FBN2: variants seen among roughly 807,000 people sequenced by gnomAD.
FBN2 encodes fibrillin-2.
FBN2 carries 105 observed loss-of-function variants against 355.6 expected under a neutral mutation model. The ratio of observed to expected loss-of-function variants is 0.30; its 90% CI spans 0.25 to 0.35. FBN2 has a LOEUF of 0.35. Among genes scored for constraint, FBN2 ranks in the 10% least tolerant of loss-of-function variants. The pLI is 1.00. For synonymous variants in FBN2, 1,350 were observed against 1,301.2 expected (o/e 1.04, Z -0.81); for missense variants, 3,280 against 3,758.7 (o/e 0.87, Z 3.33).
rs370817300 is a variant in FBN2, at chr5:128,323,226, T to C, written c.4472-4225A>G. On this transcript the variant is annotated intron_variant, in intron 34 of 64. Coordinates refer to ENST00000262464, the MANE Select transcript of FBN2 (RefSeq NM_001999.4). ...AAACAGATACAATTTGACTTCCTCT[T>C]TTCCTATTTGAATACCCTTTATTTC... Among the ~76,000 whole-genome samples, 2 of 152,174 alleles carry C rather than the reference T, an allele frequency of 1.3e-5. 1 individual carries two copies. The highest frequency in any genetic ancestry group is 4.1e-4 in the South Asian group (2 of 4,832).
chr5:128,340,765 T>G (rs754265673), intron 25 of FBN2, among the ~76,000 whole-genome samples: 19 of 152,178 alleles, frequency 1.2e-4, no homozygotes, highest in Admixed American at 6.5e-5. Flanking sequence ...ATTTGTTAAG[T>G]GCTGAGAACA....
intron 7 of FBN2, among the ~76,000 whole-genome samples, chr5:128,442,573 C>T (rs1753950567): frequency 6.6e-6 from 1 of 151,910 alleles, no homozygotes; most frequent in Non-Finnish European, 1.5e-5. Context: ...GTTTATTCCA[C>T]CAAAGAATAA....
intron 11 of FBN2, among the ~76,000 whole-genome samples, chr5:128,382,310 T>G (rs1260092183): frequency 6.6e-6 from 1 of 152,068 alleles, no homozygotes; most frequent in African/African-American, 2.4e-5. Flanking sequence ...AGGAACATAA[T>G]TCTCCATATT....
intron 5 of FBN2, among the ~76,000 whole-genome samples, chr5:128,515,640 C>T (rs1756262314): frequency 1.3e-5 from 2 of 152,174 alleles, no homozygotes; most frequent in Admixed American, 1.3e-4. Context: ...TTTCATTTTA[C>T]ATAAAGGCTT....
chr5:128,530,558 A>G, intron 3 of FBN2, 37 bp downstream of exon 3: 1 of 1,399,108 alleles, frequency 7.1e-7, no homozygotes. Flanking sequence ...AAAGCTTAAG[A>G]AAAATGCAGT....
At chr5:128,502,452 T>C (rs1378356923) in intron 5 of FBN2, among the ~76,000 whole-genome samples, 5 of 152,058 alleles carry the variant, frequency 3.3e-5, no homozygotes, top group African/African-American at 4.8e-5. Context: ...GGGAAAAAGG[T>C]ACAAACACCC....
chr5:128,385,495 T>C (rs1752344759), intron 11 of FBN2, among the ~76,000 whole-genome samples: 1 of 152,184 alleles, frequency 6.6e-6, no homozygotes, highest in Admixed American at 6.6e-5. Context: ...ATCTTTATAT[T>C]GTGAACAGTG....
intron 8 of FBN2, among the ~76,000 whole-genome samples, chr5:128,402,724 G>C (rs1460131357): frequency 1.3e-5 from 2 of 152,162 alleles, no homozygotes; most frequent in African/African-American, 4.8e-5. Context: ...GTAGGTGTTC[G>C]GTAAATAGCA....
intron 7 of FBN2, among the ~76,000 whole-genome samples, chr5:128,437,386 C>G (rs923667020): frequency 6.6e-6 from 1 of 152,160 alleles, no homozygotes; most frequent in African/African-American, 2.4e-5. Flanking sequence ...AAATTCCACA[C>G]AGCATTAAAA....
At chr5:128,261,601 A>G in intron 64 of FBN2, 135 bp downstream of exon 64, 1 of 796,780 alleles carries the variant, frequency 1.3e-6, no homozygotes, top group Non-Finnish European at 2.2e-6. Flanking sequence ...TCTTTTCCAT[A>G]CTGGGTCCAT....
chr5:128,351,026 T>G (rs778768540), intron 20 of FBN2, 21 bp from the exon 21 acceptor site: 1 of 1,613,972 alleles, frequency 6.2e-7, no homozygotes, highest in Non-Finnish European at 8.5e-7. Flanking sequence ...ACAGGAAAGG[T>G]TGGGGAGCTC....
intron 53 of FBN2, among the ~76,000 whole-genome samples, chr5:128,287,937 T>C (rs750278825): frequency 6.6e-6 from 1 of 152,154 alleles, no homozygotes; most frequent in Non-Finnish European, 1.5e-5. Flanking sequence ...ACTATGCATG[T>C]GTGGGGCAAA....
intron 55 of FBN2, among the ~76,000 whole-genome samples, chr5:128,280,972 G>T (rs1765524510): frequency 6.6e-6 from 1 of 152,084 alleles, no homozygotes; most frequent in Non-Finnish European, 1.5e-5. Context: ...AAGCTGTGTT[G>T]TTAGGAGCAT....
chr5:128,364,667 T>TA lies in FBN2; in HGVS notation c.2360dup (p.Leu787PhefsTer4). On this transcript the variant is annotated frameshift_variant, in exon 18 of 65. Coordinates refer to ENST00000262464, the MANE Select transcript of FBN2 (RefSeq NM_001999.4). LOFTEE classifies it high-confidence loss of function. ...TGCAATTACAACGGTAACTACCACG[T>TA]AAGTTTTCACAAATCCCATTGGCAC... 1 of 1,613,382 alleles carries TA rather than the reference T, an allele frequency of 6.2e-7. No individual in the cohort carries two copies. The highest frequency in any genetic ancestry group is 8.5e-7 in the Non-Finnish European group (1 of 1,179,416).
chr5:128,453,409 C>T (rs992398160), intron 6 of FBN2, among the ~76,000 whole-genome samples: 1 of 152,220 alleles, frequency 6.6e-6, no homozygotes, highest in Non-Finnish European at 1.5e-5. Flanking sequence ...CAGCCTCCAT[C>T]ATATAGCACC....
At chr5:128,370,448 G>A (rs1325010642) in intron 15 of FBN2, among the ~76,000 whole-genome samples, 1 of 152,112 alleles carries the variant, frequency 6.6e-6, no homozygotes, top group Non-Finnish European at 1.5e-5. Flanking sequence ...TTAAAAATGA[G>A]ATACGTGTGT....
chr5:128,416,867 G>GT (rs1753216337), intron 7 of FBN2, among the ~76,000 whole-genome samples: 1 of 151,936 alleles, frequency 6.6e-6, no homozygotes, highest in Non-Finnish European at 1.5e-5. Flanking sequence ...TTTTAGGATT[G>GT]TTTTTTCTAA....
At chr5:128,260,699 G>T (rs926902981) in intron 64 of FBN2, among the ~76,000 whole-genome samples, 5 of 152,200 alleles carry the variant, frequency 3.3e-5, no homozygotes, top group Admixed American at 2.6e-4. Context: ...TAAGGTAAAT[G>T]TAACACTGGC....
intron 21 of FBN2, 147 bp downstream of exon 21, chr5:128,350,721 A>C: frequency 1.1e-6 from 1 of 925,440 alleles, no homozygotes; most frequent in Non-Finnish European, 1.7e-6. Flanking sequence ...TTAAGAGGTA[A>C]AAAACATTAG....
Sources: gnomAD v4.1 joint callset for allele counts (sites outside exome capture counted in the v4.1 genomes callset) on GRCh38, gnomAD v4.1.1 for gene constraint, MANE v1.5 for transcripts, NCBI Gene and HGNC (gene_info 2026-07-23, HGNC 2026-07-21) for gene names.